Variants in ANK3 observed in about 807,000 individuals in gnomAD.
ANK3 encodes ankyrin-3.
In ANK3, 57 loss-of-function variants were observed where a neutral mutation model predicts 370.9. The ratio of observed to expected loss-of-function variants is 0.15; its 90% confidence interval spans 0.12 to 0.19. ANK3 has a LOEUF of 0.19. ANK3 is among the 10% of genes least tolerant of loss of function. ANK3 has a pLI of 1.00. For missense variants in ANK3, 4,439 were observed against 5,302.1 expected (o/e 0.84, Z 5.06); for synonymous variants, 1,929 against 1,946.3 (o/e 0.99, Z 0.23).
intron 36 of ANK3, among the ~76,000 whole-genome samples, chr10:60,076,738 T>C (rs1031742817): frequency 9.9e-5 from 15 of 151,392 alleles, no homozygotes; most frequent in Admixed American, 9.9e-4. Flanking sequence ...CAATGAAAAA[T>C]AGAAAACATG....
chr10:60,128,483 G>A (rs2093890815), intron 25 of ANK3, among the ~76,000 whole-genome samples: 1 of 151,840 alleles, frequency 6.6e-6, no homozygotes, highest in South Asian at 2.1e-4. Context: ...AGGCTCAAGA[G>A]ATTCTCCTGC....
chr10:60,041,943 A>G (rs2076163574), intron 43 of ANK3, among the ~76,000 whole-genome samples: 1 of 116,172 alleles, frequency 8.6e-6, no homozygotes, highest in South Asian at 2.9e-4. Flanking sequence ...GGGGCTAAGA[A>G]GACTGGTGGT....
intron 2 of ANK3, among the ~76,000 whole-genome samples, chr10:60,510,046 C>G (rs1397555357): frequency 6.6e-6 from 1 of 151,906 alleles, no homozygotes; most frequent in African/African-American, 2.4e-5. Context: ...GCCATGGTCT[C>G]TTTATAACAT....
intron 1 of ANK3, among the ~76,000 whole-genome samples, chr10:60,716,920 A>C (rs968974289): frequency 1.3e-5 from 2 of 152,220 alleles, no homozygotes; most frequent in Non-Finnish European, 2.9e-5. Flanking sequence ...AAGTGTAGCT[A>C]TGAAACAAGA....
At chr10:60,144,137 A>G in intron 23 of ANK3, 1 of 401,170 alleles carries the variant, frequency 2.5e-6, no homozygotes, top group African/African-American at 2.2e-5. Context: ...GACTCAGCTG[A>G]GCCCCGATTA....
chr10:60,242,289 T>C (rs1422742112), intron 7 of ANK3, among the ~76,000 whole-genome samples: 6 of 152,328 alleles, frequency 3.9e-5, no homozygotes, highest in Non-Finnish European at 7.3e-5. Context: ...AAAAATTCAA[T>C]ATATTCCTTT....
At chr10:60,209,559 G>A (rs953904179) in intron 9 of ANK3, among the ~76,000 whole-genome samples, 2 of 152,080 alleles carry the variant, frequency 1.3e-5, no homozygotes, top group African/African-American at 4.8e-5. Flanking sequence ...CAAATATCTA[G>A]GTCAATTTAA....
Position 60,036,688 on chromosome 10 carries a change from G to A in ANK3, c.*19+5984C>T, listed in dbSNP as rs1031564021. On this transcript the variant is annotated intron_variant, in intron 43 of 43. Coordinates refer to ENST00000280772, the MANE Select transcript of ANK3 (RefSeq NM_020987.5). ...CCTGACTTCGTGATCTGCCTGCCTCGGCCTCCTAAAGTGCTGGGAATACAG... is the reference window on the plus strand; with the variant it reads ...CCTGACTTCGTGATCTGCCTGCCTCAGCCTCCTAAAGTGCTGGGAATACAG... Among the ~76,000 whole-genome samples, 7 of 151,788 alleles carry A rather than the reference G, an allele frequency of 4.6e-5. No individual in the cohort carries two copies. In the South Asian group the frequency reaches 6.3e-4, roughly 14 times the overall value.
chr10:60,256,788 C>CA (rs918604008), intron 7 of ANK3, among the ~76,000 whole-genome samples: 4 of 152,066 alleles, frequency 2.6e-5, no homozygotes, highest in Non-Finnish European at 4.4e-5. Flanking sequence ...CATGTTGCTG[C>CA]AAAAAACATG....
chr10:60,635,526 A>G (rs1385666487), intron 1 of ANK3, among the ~76,000 whole-genome samples: 1 of 152,158 alleles, frequency 6.6e-6, no homozygotes, highest in Non-Finnish European at 1.5e-5. Flanking sequence ...TTTGTACCTG[A>G]TTTCATACAA....
chr10:60,666,725 T>TA (rs1331301792), intron 1 of ANK3, among the ~76,000 whole-genome samples: 6 of 152,214 alleles, frequency 3.9e-5, no homozygotes, highest in Admixed American at 3.9e-4. Flanking sequence ...ATTATCTCTA[T>TA]AAGTCTATCA....
chr10:60,114,675 C>T (rs1245944239), intron 25 of ANK3, among the ~76,000 whole-genome samples: 1 of 151,976 alleles, frequency 6.6e-6, no homozygotes, highest in Non-Finnish European at 1.5e-5. Flanking sequence ...TTTTTTTTCC[C>T]AATTCTCAAA....
At chr10:60,595,117 A>T (rs748673424) in intron 2 of ANK3, among the ~76,000 whole-genome samples, 22 of 152,108 alleles carry the variant, frequency 1.4e-4, no homozygotes, top group Non-Finnish European at 2.5e-4. Flanking sequence ...TATTTTTTTT[A>T]AAAATTGATG....
At chr10:60,135,956 T>C (rs940663482) in intron 24 of ANK3, among the ~76,000 whole-genome samples, 9 of 151,878 alleles carry the variant, frequency 5.9e-5, no homozygotes, top group Admixed American at 4.6e-4. Context: ...CATTATTTAA[T>C]GTATTCAGCA....
chr10:60,672,006 C>T (rs1229802318), intron 1 of ANK3, among the ~76,000 whole-genome samples: 1 of 152,248 alleles, frequency 6.6e-6, no homozygotes, highest in East Asian at 1.9e-4. Flanking sequence ...AACTGAGCTG[C>T]TCCTGGATTC....
intron 7 of ANK3, among the ~76,000 whole-genome samples, chr10:60,240,123 CATATATAT>C (rs1205095561): frequency 7.2e-5 from 6 of 83,104 alleles, no homozygotes; most frequent in Non-Finnish European, 1.2e-4. Flanking sequence ...TATATACACA[CATATATAT>C]ACATATATAT....
At chr10:60,422,561 A>T (rs997273535) in intron 2 of ANK3, among the ~76,000 whole-genome samples, 1 of 152,136 alleles carries the variant, frequency 6.6e-6, no homozygotes, top group African/African-American at 2.4e-5. Context: ...ACCTGGATTC[A>T]GCAACACATT....
rs540150823 is a variant in ANK3, at chr10:60,298,858, G to A, written c.115-19219C>T. On this transcript the variant is annotated intron_variant, in intron 1 of 43. Coordinates refer to ENST00000280772, the MANE Select transcript of ANK3 (RefSeq NM_020987.5). ...AGCCTTATTGCTCAAACCCTTCCCA[G>A]CAATGAGTATTTCTCAAAGCTGTCT... Among the ~76,000 whole-genome samples the A allele has an allele frequency of 3.9e-5, 6 of 152,202 alleles. No individual in the cohort carries two copies. The South Asian group carries it at 1.2e-3, about 32-fold the overall frequency.
intron 1 of ANK3, among the ~76,000 whole-genome samples, chr10:60,314,974 C>A (rs1467625200): frequency 2.0e-5 from 3 of 152,182 alleles, no homozygotes; most frequent in Admixed American, 6.5e-5. Context: ...TTGGCTTAGA[C>A]TTCTGATACC....
Sources: allele counts gnomAD v4.1 joint callset (sites outside exome capture counted in the v4.1 genomes callset), GRCh38; gene constraint gnomAD v4.1.1; transcripts MANE v1.5; gene names NCBI Gene and HGNC (gene_info 2026-07-23, HGNC 2026-07-21).